The following CMTR1 variants were observed in gnomAD, a reference collection of about 807,000 sequenced individuals.
CMTR1 encodes cap methyltransferase 1.
In CMTR1, 39 loss-of-function variants were observed where a neutral mutation model predicts 107.0. That is an observed-to-expected ratio of 0.36 (90% CI 0.28 to 0.48). The LOEUF (loss-of-function observed/expected upper bound fraction) is 0.48, where lower values mean the gene tolerates loss of function less well. Ranked by LOEUF, CMTR1 falls within the 20% of genes least tolerant of loss-of-function variation. The probability of loss-of-function intolerance (pLI) is 0.99; values close to 1 mark genes in which losing one functional copy is unlikely to be tolerated. For synonymous variants in CMTR1, 366 were observed against 379.5 expected (o/e 0.96, Z 0.41); for missense variants, 672 against 1,064.9 (o/e 0.63, Z 5.14).
At chr6:37,426,229 T>G in the CMTR1 span, among the ~76,000 whole-genome samples, 1 of 152,190 alleles carries the variant, frequency 6.6e-6, no homozygotes, top group African/African-American at 2.4e-5. Flanking sequence ...TTGAGCATCT[T>G]AAGACTTTTT....
intron 18 of CMTR1, 38 bp from the exon 19 acceptor site, chr6:37,475,283 C>A: frequency 6.5e-7 from 1 of 1,545,502 alleles, no homozygotes; most frequent in Non-Finnish European, 8.9e-7. Flanking sequence ...AAGGCTGACA[C>A]CTGGCAGAGT....
chr6:37,453,691 T>C (rs1761232865), intron 8 of CMTR1, among the ~76,000 whole-genome samples: 1 of 152,226 alleles, frequency 6.6e-6, no homozygotes, highest in Non-Finnish European at 1.5e-5. Context: ...TCAGTGGGCA[T>C]TTTCATTGAT....
intron 2 of CMTR1, among the ~76,000 whole-genome samples, chr6:37,436,762 C>T (rs928514776): frequency 7.9e-5 from 12 of 152,044 alleles, no homozygotes; most frequent in Non-Finnish European, 5.9e-5. Flanking sequence ...CTGGAAAGAC[C>T]CTATTTCCAA....
rs778052668 is a variant in CMTR1, at chr6:37,479,116, T to G, written c.2267-31T>G. ...TCCTCCACAAGTGCTTTGTGTCCCT[T>G]CTGGGCTTCATCCCCTCTTCCTCCC... On this transcript the variant is annotated intron_variant, in intron 22 of 23. Coordinates refer to ENST00000373451, the MANE Select transcript of CMTR1 (RefSeq NM_015050.3). 8 of 1,519,774 alleles carry G rather than the reference T, an allele frequency of 5.3e-6. No individual in the cohort carries two copies. In the South Asian group the frequency reaches 9.0e-5, roughly 17 times the overall value. The allele number at this position is 1,519,774 out of a possible 1,614,324, so 94.1% of individuals were successfully genotyped here.
In CMTR1 at chr6:37,462,076, T is replaced by C; in HGVS notation, c.1299T>C (p.Ile433=). 3 of 1,614,092 alleles carry C rather than the reference T, an allele frequency of 1.9e-6. No homozygotes were observed. Among genetic ancestry groups the C allele is most frequent in the Non-Finnish European group, 2.5e-6 (3 of 1,180,032 alleles). ...CFERVCLFKP[I]TSRPANSERY... Reference sequence around the variant, plus strand: ...AACGAGTTTGTCTCTTCAAGCCTATTACCAGCCGTCCTGCCAACTCAGAGA... The same window carrying C: ...AACGAGTTTGTCTCTTCAAGCCTATCACCAGCCGTCCTGCCAACTCAGAGA... The change falls in exon 12 of 24, where the codon ATT becomes ATC. Residue 433 remains isoleucine, a synonymous_variant. Transcript: ENST00000373451.
intron 10 of CMTR1, 136 bp downstream of exon 10, chr6:37,459,820 T>G: frequency 1.4e-6 from 1 of 698,222 alleles, no homozygotes. Flanking sequence ...AGAATGCATT[T>G]TTATTCTTTT....
intron 10 of CMTR1, among the ~76,000 whole-genome samples, chr6:37,461,180 T>G (rs1761396992): frequency 6.6e-6 from 1 of 152,214 alleles, no homozygotes. Context: ...AGCATTCTGT[T>G]TCCTATGTTG....
At chr6:37,477,375 C>G (rs1011410522) in intron 20 of CMTR1, among the ~76,000 whole-genome samples, 1 of 152,190 alleles carries the variant, frequency 6.6e-6, no homozygotes, top group African/African-American at 2.4e-5. Context: ...TGACGCAGGC[C>G]TGAGGAGGTG....
intron 1 of CMTR1, among the ~76,000 whole-genome samples, chr6:37,435,157 T>G (rs553625758): frequency 6.6e-6 from 1 of 152,232 alleles, no homozygotes; most frequent in South Asian, 2.1e-4. Context: ...ATTTCTTAAT[T>G]GTTTTGGTAA....
intron 2 of CMTR1, among the ~76,000 whole-genome samples, chr6:37,438,346 C>T (rs1771587002): frequency 6.6e-6 from 1 of 151,902 alleles, no homozygotes; most frequent in Admixed American, 6.6e-5. Context: ...TGCCACTGCA[C>T]TCCAGCCTGG....
chr6:37,438,702 A>G (rs1392493019), intron 2 of CMTR1, among the ~76,000 whole-genome samples: 1 of 152,226 alleles, frequency 6.6e-6, no homozygotes, highest in Non-Finnish European at 1.5e-5. Context: ...GAAGCTTAAA[A>G]TGCGTCACAG....
In CMTR1 at chr6:37,479,086, G is replaced by T; in HGVS notation, c.2267-61G>T. On this transcript the variant is annotated intron_variant, in intron 22 of 23. Coordinates refer to ENST00000373451, the MANE Select transcript of CMTR1 (RefSeq NM_015050.3). ...CCACCGGGAGTGGAGGAAGGTACAC[G>T]CCTGTCCTCCACAAGTGCTTTGTGT... 2.5e-6 allele frequency: 3 copies of T among 1,180,756 alleles called. No homozygotes were observed. In the South Asian group the frequency reaches 3.7e-5, roughly 15 times the overall value. 73.1% of individuals were successfully genotyped at this position (1,180,756 alleles called of 1,614,324 possible). A position where few individuals can be genotyped will look rare whatever the true frequency, so the allele number is the denominator to read the frequency against.
At chr6:37,449,959 G>A (rs528504214) in intron 4 of CMTR1, among the ~76,000 whole-genome samples, 3 of 152,272 alleles carry the variant, frequency 2.0e-5, no homozygotes, top group East Asian at 3.9e-4. Context: ...TGCATTCTGA[G>A]TGCTTAACAC....
In CMTR1 at chr6:37,458,480, G is replaced by C; in HGVS notation, c.778-132G>C. The C allele has an allele frequency of 1.3e-6, 1 of 772,854 alleles. No individual in the cohort carries two copies. Among genetic ancestry groups the C allele is most frequent in the South Asian group, 1.8e-5 (1 of 54,326 alleles). 47.9% of individuals were successfully genotyped at this position (772,854 alleles called of 1,614,324 possible). On this transcript the variant is annotated intron_variant, in intron 8 of 23. Coordinates refer to ENST00000373451, the MANE Select transcript of CMTR1 (RefSeq NM_015050.3). This position sits in a 1 kb window ranked among gnomAD's most constrained non-coding sequence, Gnocchi z 4.7. Reference sequence around the variant, plus strand: ...TCACCAGAAGATACATTTCCTGGGTGCTGTAGCTCTGGTGGGAGCTCTGGA... The same window carrying C: ...TCACCAGAAGATACATTTCCTGGGTCCTGTAGCTCTGGTGGGAGCTCTGGA...
Position 37,480,180 on chromosome 6 carries a change from T to C in CMTR1, c.*35T>C, listed in dbSNP as rs1761826562. 6.3e-7 allele frequency: 1 copy of C among 1,594,976 alleles called. No homozygotes were observed. Among genetic ancestry groups the C allele is most frequent in the Non-Finnish European group, 8.5e-7 (1 of 1,172,308 alleles). Reference sequence around the variant, plus strand: ...AATGTGCCACCCCTGCAGAATGCCCTGTCATTCCTGAGATGGGGCCACCTG... The same window carrying C: ...AATGTGCCACCCCTGCAGAATGCCCCGTCATTCCTGAGATGGGGCCACCTG... On this transcript the variant is annotated 3_prime_UTR_variant, in exon 24 of 24. Transcript: ENST00000373451.
chr6:37,472,618 G>A lies in CMTR1; in HGVS notation c.1689+131G>A. On this transcript the variant is annotated intron_variant, in intron 16 of 23. Transcript: ENST00000373451. The surrounding 1 kb of genome is among the most constrained non-coding windows in gnomAD (Gnocchi z 4.1). Reference sequence around the variant, plus strand: ...ATGCCCACCATGGGCTCTAAGGGGCGGAGCTAAGGCTGCCACAGGTGGGAA... The same window carrying A: ...ATGCCCACCATGGGCTCTAAGGGGCAGAGCTAAGGCTGCCACAGGTGGGAA... 4.5e-6 allele frequency: 4 copies of A among 896,786 alleles called. No homozygotes were observed. The highest frequency in any genetic ancestry group is 2.5e-5 in the East Asian group (1 of 39,622). The allele number at this position is 896,786 out of a possible 1,614,324, so 55.6% of individuals were successfully genotyped here.
At chr6:37,474,683 C>G in intron 18 of CMTR1, 37 bp downstream of exon 18, 1 of 1,606,604 alleles carries the variant, frequency 6.2e-7, no homozygotes, top group Non-Finnish European at 8.5e-7. Flanking sequence ...GGCCCTGCAG[C>G]TAGGGGACTA....
intron 19 of CMTR1, 50 bp downstream of exon 19, chr6:37,475,462 T>A: frequency 6.5e-7 from 1 of 1,530,670 alleles, no homozygotes; most frequent in Non-Finnish European, 9.0e-7. Context: ...CCAGGGCAGC[T>A]TGGGAGGACA....
intron 2 of CMTR1, among the ~76,000 whole-genome samples, chr6:37,437,516 C>CAAA (rs35749564): frequency 6.8e-5 from 8 of 118,286 alleles, no homozygotes; most frequent in Admixed American, 1.8e-4. Flanking sequence ...GAGTCCGTCT[C>CAAA]AAAAAAAAAA....
Sources: allele counts gnomAD v4.1 joint callset (sites outside exome capture counted in the v4.1 genomes callset), GRCh38; gene constraint gnomAD v4.1.1; non-coding constraint Gnocchi (gnomAD v3.1); transcripts MANE v1.5; gene names NCBI Gene and HGNC (gene_info 2026-07-23, HGNC 2026-07-21).